The following PDE1A variants were observed in gnomAD, a reference collection of about 807,000 sequenced individuals.
The protein encoded by PDE1A is phosphodiesterase 1A, also known as dual specificity calcium/calmodulin-dependent 3',5'-cyclic nucleotide phosphodiesterase 1A.
PDE1A carries 35 observed loss-of-function variants against 61.7 expected under a neutral mutation model. The ratio of observed to expected loss-of-function variants is 0.57; its 90% CI spans 0.43 to 0.75. PDE1A has a LOEUF of 0.75. Among genes scored for constraint, PDE1A ranks in the 30% least tolerant of loss-of-function variants. The pLI is 0.00. For missense variants in PDE1A, 597 were observed against 630.6 expected (o/e 0.95, Z 0.57); for synonymous variants, 232 against 213.2 (o/e 1.09, Z -0.77).
intron 2 of PDE1A, among the ~76,000 whole-genome samples, chr2:182,245,769 G>A (rs912095272): frequency 3.4e-4 from 52 of 152,046 alleles, no homozygotes; most frequent in African/African-American, 1.2e-3. Flanking sequence ...CATCTTGATT[G>A]CTCCAAGGTT....
At chr2:182,575,403 G>T in the PDE1A span, among the ~76,000 whole-genome samples, 1 of 151,868 alleles carries the variant, frequency 6.6e-6, no homozygotes, top group Non-Finnish European at 1.5e-5. Flanking sequence ...GATAGGAGGA[G>T]CCCAAAGTGT....
At chr2:182,396,444 A>G (rs1701710065) in intron 1 of PDE1A, among the ~76,000 whole-genome samples, 1 of 152,256 alleles carries the variant, frequency 6.6e-6, no homozygotes, top group South Asian at 2.1e-4. Context: ...TTGGAAAATT[A>G]GAATACAGAT....
chr2:182,293,021 A>T (rs912510571), intron 1 of PDE1A, among the ~76,000 whole-genome samples: 1 of 152,182 alleles, frequency 6.6e-6, no homozygotes, highest in Non-Finnish European at 1.5e-5. Context: ...AAAGGGATAC[A>T]TCTTGAGTGT....
At chr2:182,212,971 GACAA>G (rs1168687449) in intron 7 of PDE1A, among the ~76,000 whole-genome samples, 1 of 150,614 alleles carries the variant, frequency 6.6e-6, no homozygotes, top group East Asian at 2.0e-4. Context: ...GCAGGGCACA[GACAA>G]ACAAAAAGAC....
At chr2:182,176,657 C>T (rs1692822084) in intron 13 of PDE1A, among the ~76,000 whole-genome samples, 1 of 140,500 alleles carries the variant, frequency 7.1e-6, no homozygotes, top group Non-Finnish European at 1.5e-5. Flanking sequence ...TTCCTCTTTT[C>T]CTAATTGAAT....
At chr2:182,317,783 T>C (rs767932509) in intron 1 of PDE1A, among the ~76,000 whole-genome samples, 5 of 152,130 alleles carry the variant, frequency 3.3e-5, no homozygotes, top group African/African-American at 7.2e-5. Context: ...GCTTAAATTC[T>C]GGGTGGGAAA....
chr2:182,700,086 C>G, the PDE1A span, among the ~76,000 whole-genome samples: 2 of 152,200 alleles, frequency 1.3e-5, no homozygotes, highest in Non-Finnish European at 2.9e-5. Context: ...AAACCACTTT[C>G]TCATTGCCTC....
chr2:182,179,767 T>A (rs1438240418), intron 13 of PDE1A, among the ~76,000 whole-genome samples: 1 of 152,174 alleles, frequency 6.6e-6, no homozygotes, highest in Admixed American at 6.6e-5. Flanking sequence ...TGTGCCAGTC[T>A]CTGTTCAAAG....
At chr2:182,680,862 T>A in the PDE1A span, among the ~76,000 whole-genome samples, 1 of 152,230 alleles carries the variant, frequency 6.6e-6, no homozygotes. Context: ...AGGCAGTGTA[T>A]AGACAGTAAC....
intron 13 of PDE1A, 138 bp downstream of exon 13, chr2:182,185,754 A>G: frequency 6.7e-7 from 1 of 1,491,460 alleles, no homozygotes; most frequent in South Asian, 1.3e-5. Flanking sequence ...ATGAATGATC[A>G]AAGAGTAGCC....
In PDE1A at chr2:182,295,000, C is replaced by T. The variant is rs551431317; in HGVS notation, c.54-30586G>A. 5.5e-5 allele frequency among the ~76,000 whole-genome samples: 8 copies of T among 145,084 alleles called. No individual in the cohort carries two copies. The South Asian group carries it at 1.8e-3, about 33-fold the overall frequency. On this transcript the variant is annotated intron_variant, in intron 1 of 13. Transcript: ENST00000351439. Reference sequence around the variant, plus strand: ...GTTTTCCGCAGCTAATTTTAGGTAACTTGGTTAAGTCTCCGTTTATTGCAA... The same window carrying T: ...GTTTTCCGCAGCTAATTTTAGGTAATTTGGTTAAGTCTCCGTTTATTGCAA...
intron 1 of PDE1A, among the ~76,000 whole-genome samples, chr2:182,328,322 G>T (rs1697179288): frequency 6.6e-6 from 1 of 152,216 alleles, no homozygotes; most frequent in Non-Finnish European, 1.5e-5. Flanking sequence ...CCACCAAAGT[G>T]CTGGTGTGAA....
the PDE1A span, among the ~76,000 whole-genome samples, chr2:182,550,245 A>G: frequency 6.6e-6 from 1 of 152,158 alleles, no homozygotes; most frequent in Non-Finnish European, 1.5e-5. Flanking sequence ...AATTCCTTGA[A>G]CTCTAAACAA....
intron 2 of PDE1A, among the ~76,000 whole-genome samples, chr2:182,503,156 A>C (rs562021947): frequency 5.9e-5 from 9 of 151,920 alleles, no homozygotes; most frequent in African/African-American, 2.2e-4. Flanking sequence ...TGTCAGCTCT[A>C]ATCTCAAATA....
At chr2:182,520,998 T>C (rs1246693473) in intron 2 of PDE1A, among the ~76,000 whole-genome samples, 1 of 152,048 alleles carries the variant, frequency 6.6e-6, no homozygotes, top group Admixed American at 6.6e-5. Flanking sequence ...CTCATCCAAA[T>C]AATGTAAAGA....
At chr2:182,321,911 T>C (rs1340728362) in intron 1 of PDE1A, among the ~76,000 whole-genome samples, 1 of 152,172 alleles carries the variant, frequency 6.6e-6, no homozygotes, top group Admixed American at 6.5e-5. Context: ...AGGCTAGATA[T>C]TATTTTAATT....
chr2:182,528,656 C>T, the PDE1A span, among the ~76,000 whole-genome samples: 1 of 152,102 alleles, frequency 6.6e-6, no homozygotes, highest in Admixed American at 6.5e-5. Context: ...TGTGGCAGCC[C>T]CTCCCATCAC....
At chr2:182,579,781 A>G in the PDE1A span, among the ~76,000 whole-genome samples, 1 of 152,240 alleles carries the variant, frequency 6.6e-6, no homozygotes, top group African/African-American at 2.4e-5. Flanking sequence ...ATAAATTATT[A>G]TAATAAAGTG....
intron 2 of PDE1A, among the ~76,000 whole-genome samples, chr2:182,453,434 TA>T (rs896896543): frequency 5.5e-4 from 80 of 146,156 alleles, no homozygotes; most frequent in Admixed American, 2.2e-3. Flanking sequence ...ACTTCTTCAT[TA>T]AAAAAAAAAA....
Sources: allele counts gnomAD v4.1 joint callset (sites outside exome capture counted in the v4.1 genomes callset), GRCh38; gene constraint gnomAD v4.1.1; transcripts MANE v1.5; gene names NCBI Gene and HGNC (gene_info 2026-07-23, HGNC 2026-07-21).